CRB2: variants seen among roughly 807,000 people sequenced by gnomAD.
The protein encoded by CRB2 is crumbs cell polarity complex component 2.
Under a neutral mutation model 110.9 loss-of-function variants are expected in CRB2, and 85 were observed. The observed-to-expected ratio is 0.77, with a 90% CI of 0.64 to 0.92. CRB2 has a LOEUF of 0.92. Ranked by LOEUF, CRB2 falls within the 40% of genes least tolerant of loss-of-function variation. The pLI is 0.00. For synonymous variants in CRB2, 907 were observed against 831.0 expected (o/e 1.09, Z -1.57); for missense variants, 1,843 against 1,851.3 (o/e 1.00, Z 0.08).
chr9:123,364,597 G>A (rs2041909042), intron 2 of CRB2, among the ~76,000 whole-genome samples: 1 of 152,152 alleles, frequency 6.6e-6, no homozygotes, highest in South Asian at 2.1e-4. Flanking sequence ...TGGGAAGGTG[G>A]GGCCATGTTT....
rs1014052356 is a variant in CRB2 at position 123,362,903 on chromosome 9, G to A, written c.133G>A (p.Asp45Asn). The A allele has an allele frequency of 6.3e-7, 1 of 1,596,470 alleles. No individual in the cohort carries two copies. Among genetic ancestry groups the A allele is most frequent in the Admixed American group, 1.7e-5 (1 of 59,706 alleles). Residue 45 changes from aspartate to asparagine, a missense_variant, in exon 2 of 13, where the codon GAC becomes AAC. Coordinates refer to ENST00000373631, the MANE Select transcript of CRB2 (RefSeq NM_173689.7). Reference sequence around the variant, plus strand: ...AGAGCCCCCCAGTGCCTGTGCCTCAGACCCGTGCGCTCCAGGGACCGAGTG... The same window carrying A: ...AGAGCCCCCCAGTGCCTGTGCCTCAAACCCGTGCGCTCCAGGGACCGAGTG... Reference protein sequence around the residue: ...PSEPPSACASDPCAPGTECQA... With the variant: ...PSEPPSACASNPCAPGTECQA...
Position 123,356,666 on chromosome 9 carries a change from C to G in CRB2, c.94+312C>G, listed in dbSNP as rs556380684. Among the ~76,000 whole-genome samples the G allele has an allele frequency of 1.5e-4, 23 of 150,922 alleles. No homozygotes were observed. The East Asian group carries it at 4.1e-3, about 27-fold the overall frequency. On this transcript the variant is annotated intron_variant, in intron 1 of 12. Coordinates refer to ENST00000373631, the MANE Select transcript of CRB2 (RefSeq NM_173689.7). ...GATGGGGTGCGTGTTTTGGGAGGTG[C>G]TGTGTTGCATCCTGTAAAGGGCTGG...
chr9:123,367,417 GCCCACCCCCCCACCCCCCCCACCCC>G lies in CRB2; in HGVS notation c.940+69_940+93del, dbSNP rs199806595. On this transcript the variant is annotated intron_variant, in intron 5 of 12. Coordinates refer to ENST00000373631, the MANE Select transcript of CRB2 (RefSeq NM_173689.7). ...CCAGATGCCCAGGGAGGGATCTTGT[GCCCACCCCCCCACCCCCCCCACCCC>G]CCCACCCCACACCCCACACCCGAGT... 4 of 1,269,292 alleles carry G rather than the reference GCCCACCCCCCCACCCCCCCCACCCC, an allele frequency of 3.2e-6. No individual in the cohort carries two copies. The African/African-American group carries it at 6.5e-5, about 21-fold the overall frequency. The allele number at this position is 1,269,292 out of a possible 1,614,324, so 78.6% of individuals were successfully genotyped here.
chr9:123,372,723 TG>T (rs963346217), intron 9 of CRB2, among the ~76,000 whole-genome samples: 13 of 152,258 alleles, frequency 8.5e-5, no homozygotes, highest in Admixed American at 3.3e-4. Flanking sequence ...GGGGAGCCTC[TG>T]GAGGGTTTTA....
At chr9:123,374,512 G>C (rs2042073325) in intron 10 of CRB2, 67 bp from the exon 11 acceptor site, 1 of 1,185,624 alleles carries the variant, frequency 8.4e-7, no homozygotes, top group African/African-American at 1.5e-5. Context: ...GTGGCCCACG[G>C]TCACAGCGCT....
At chr9:123,366,177 G>GGGCAGAAGGGGCAGGCGCGC (rs2041928533) in intron 3 of CRB2, 50 bp from the exon 4 acceptor site, 43 of 1,380,956 alleles carry the variant, frequency 3.1e-5, no homozygotes, top group Non-Finnish European at 3.9e-5. Flanking sequence ...GCCAGGCGCG[G>GGGCAGAAGGGGCAGGCGCGC]GGCAGAAGGG....
upstream of CRB2, chr9:123,356,136 G>A: frequency 1.8e-6 from 1 of 558,846 alleles, no homozygotes; most frequent in Non-Finnish European, 2.9e-6. Flanking sequence ...TGGCGGGGAG[G>A]GGAGGGAGGG....
intron 3 of CRB2, 26 bp downstream of exon 3, chr9:123,366,138 A>G: frequency 2.2e-6 from 3 of 1,391,240 alleles, no homozygotes; most frequent in Non-Finnish European, 2.8e-6. Context: ...GGCAGGCGGC[A>G]GGGGCGCCGG....
At chr9:123,360,294 G>A (rs140948973) in intron 1 of CRB2, among the ~76,000 whole-genome samples, 3 of 152,266 alleles carry the variant, frequency 2.0e-5, no homozygotes, top group Admixed American at 6.5e-5. Context: ...AGGGGCGGGC[G>A]TCGGTTAATC....
rs1389043154 is a variant in CRB2 at position 123,373,354 on chromosome 9, C to A, written c.2823C>A (p.Gly941=). The A allele has an allele frequency of 7.0e-7, 1 of 1,438,220 alleles. No homozygotes were observed. Among genetic ancestry groups the A allele is most frequent in the Non-Finnish European group, 9.1e-7 (1 of 1,103,692 alleles). The allele number at this position is 1,438,220 out of a possible 1,614,324, so 89.1% of individuals were successfully genotyped here. The change falls in exon 10 of 13, where the codon GGC becomes GGA. Residue 941 remains glycine, a synonymous_variant. Coordinates refer to ENST00000373631, the MANE Select transcript of CRB2 (RefSeq NM_173689.7). ...TGCGCGGAGGCCATGGCCTGCCCGGCGCTGTGCTGCCCATACCGGGGCCGC... is the reference window on the plus strand; with the variant it reads ...TGCGCGGAGGCCATGGCCTGCCCGGAGCTGTGCTGCCCATACCGGGGCCGC... The part of the protein sequence containing the change: ...GGVRGGHGLP[G]AVLPIPGPRV...
chr9:123,366,143 C>A lies in CRB2; in HGVS notation c.614+31C>A, dbSNP rs778539770. On this transcript the variant is annotated intron_variant, in intron 3 of 12. Coordinates refer to ENST00000373631, the MANE Select transcript of CRB2 (RefSeq NM_173689.7). ...CGAGCGGCGGGGCAGGCGGCAGGGG[C>A]GCCGGGTGCCCGAGGGCGGGGAGGC... 84 of 1,383,430 alleles carry A rather than the reference C, an allele frequency of 6.1e-5. No individual in the cohort carries two copies. In the Middle Eastern group the frequency reaches 9.6e-4, roughly 16 times the overall value. The allele number at this position is 1,383,430 out of a possible 1,614,324, so 85.7% of individuals were successfully genotyped here. A position where few individuals can be genotyped will look rare whatever the true frequency, so the allele number is the denominator to read the frequency against.
chr9:123,358,857 C>T (rs553268352), intron 1 of CRB2, among the ~76,000 whole-genome samples: 2 of 150,920 alleles, frequency 1.3e-5, no homozygotes, highest in South Asian at 2.1e-4. Flanking sequence ...GTGAGCGGTT[C>T]CCCACCCCAG....
chr9:123,370,366 A>C lies in CRB2; in HGVS notation c.1313A>C (p.Asn438Thr), dbSNP rs771116975. 6.2e-7 allele frequency: 1 copy of C among 1,613,854 alleles called. No homozygotes were observed. Among genetic ancestry groups the C allele is most frequent in the Non-Finnish European group, 8.5e-7 (1 of 1,180,028 alleles). Residue 438 changes from asparagine (N) to threonine (T), a missense_variant, in exon 7 of 13, where the codon AAT (asparagine) becomes ACT (threonine). Transcript: ENST00000373631. ...PGTHGPFCGQ[N>T]TTFSVMAGSP... is the part of the protein sequence containing the mutation. ...ACCCATGGACCGTTCTGTGGCCAGA[A>C]TACCACCTTCTCTGTGATGGCTGGG...
Position 123,375,235 on chromosome 9 carries a change from C to G in CRB2, c.3525C>G (p.Leu1175=). 1 of 1,612,666 alleles carries G rather than the reference C, an allele frequency of 6.2e-7. No individual in the cohort carries two copies. Among genetic ancestry groups the G allele is most frequent in the South Asian group, 1.1e-5 (1 of 90,852 alleles). Residue 1175 remains leucine, a synonymous_variant, in exon 12 of 13, where the codon CTC becomes CTG. Coordinates refer to ENST00000373631, the MANE Select transcript of CRB2 (RefSeq NM_173689.7). ...TCTCCAGGTGTCAGGTCCCCACTCT[C>G]CCCTGTGAAGCCAACCCCTGCTTGA... ...LAGQRCQVPT[L]PCEANPCLNG...
chr9:123,373,611 C>A lies in CRB2; in HGVS notation c.3080C>A (p.Ala1027Glu). 7.3e-7 allele frequency: 1 copy of A among 1,365,238 alleles called. No individual in the cohort carries two copies. Among genetic ancestry groups the A allele is most frequent in the Non-Finnish European group, 9.4e-7 (1 of 1,065,722 alleles). 84.6% of individuals were successfully genotyped at this position (1,365,238 alleles called of 1,614,324 possible). ...VALGGLPLPL[A>E]RPRPGAAPGA... ...CTGGGCGGCCTGCCCCTGCCCTTGG[C>A]GCGGCCCCGGCCCGGCGCGGCCCCT... Residue 1027 changes from alanine (A) to glutamate (E), a missense_variant, in exon 10 of 13, where the codon GCG becomes GAG. Transcript: ENST00000373631.
chr9:123,367,821 C>T (rs1212774317), intron 6 of CRB2, 135 bp downstream of exon 6: 17 of 651,156 alleles, frequency 2.6e-5, no homozygotes, highest in Middle Eastern at 3.5e-4. Flanking sequence ...CCCAGGTGAC[C>T]GCTGAGGGTG....
At chr9:123,356,475 G>C in intron 1 of CRB2, 121 bp downstream of exon 1, 2 of 682,128 alleles carry the variant, frequency 2.9e-6, no homozygotes, top group Non-Finnish European at 4.6e-6. Context: ...GGCCTGAGCT[G>C]TGGGGTGCAC....
In CRB2 at chr9:123,362,845, C is replaced by A. The variant is rs763169504; in HGVS notation, c.95-20C>A. 1.3e-6 allele frequency: 2 copies of A among 1,553,590 alleles called. No homozygotes were observed. The highest frequency in any genetic ancestry group is 1.7e-6 in the Non-Finnish European group (2 of 1,143,632). ...TGTAACCTCTGCCCACCCTGCCCAG[C>A]CAGTTTCTTCTTTCTACAGGGACGG... On this transcript the variant is annotated intron_variant, in intron 1 of 12. Coordinates refer to ENST00000373631, the MANE Select transcript of CRB2 (RefSeq NM_173689.7).
chr9:123,358,299 C>T (rs1428142226), intron 1 of CRB2, among the ~76,000 whole-genome samples: 1 of 152,198 alleles, frequency 6.6e-6, no homozygotes, highest in Non-Finnish European at 1.5e-5. Flanking sequence ...CGGCTGGTTG[C>T]CATGGAGAGG....
Sources: allele counts gnomAD v4.1 joint callset (sites outside exome capture counted in the v4.1 genomes callset), GRCh38; gene constraint gnomAD v4.1.1; transcripts MANE v1.5; gene names NCBI Gene and HGNC (gene_info 2026-07-23, HGNC 2026-07-21).